Variants in CD3G observed in about 807,000 individuals in gnomAD.
CD3G encodes T-cell surface glycoprotein CD3 gamma chain.
In CD3G, 24 loss-of-function variants were observed where a neutral mutation model predicts 28.3. The ratio of observed to expected loss-of-function variants is 0.85; its 90% CI spans 0.61 to 1.19. The LOEUF (loss-of-function observed/expected upper bound fraction) is 1.19, where lower values mean the gene tolerates loss of function less well. Ranked by LOEUF, CD3G falls within the 50% of genes most tolerant of loss-of-function variation. CD3G has a pLI of 0.00. For missense variants in CD3G, 211 were observed against 210.0 expected (o/e 1.00, Z -0.03); for synonymous variants, 71 against 75.9 (o/e 0.93, Z 0.34).
intron 1 of CD3G, among the ~76,000 whole-genome samples, chr11:118,348,618 A>T (rs1262863614): frequency 3.9e-5 from 6 of 152,140 alleles, no homozygotes; most frequent in Admixed American, 1.3e-4. Context: ...GACTGATCTC[A>T]ATCTCTAGGA....
At chr11:118,350,427 C>A in intron 3 of CD3G, 125 bp from the exon 4 acceptor site, 1 of 787,236 alleles carries the variant, frequency 1.3e-6, no homozygotes, top group Non-Finnish European at 2.3e-6. Context: ...CTTCCCTTGC[C>A]CTGCCACCCA....
At position 118,344,440 on chromosome 11, in the gene CD3G, G is replaced by T; in HGVS notation, c.17G>T (p.Gly6Val). The T allele has an allele frequency of 6.4e-7, 1 of 1,572,136 alleles. No individual in the cohort carries two copies. The highest frequency in any genetic ancestry group is 8.6e-7 in the Non-Finnish European group (1 of 1,158,092). ...GAGACTGACATGGAACAGGGGAAGG[G>T]CCTGGCTGTCCTCATCCTGGCTATC... MEQGK[G>V]LAVLILAIIL... is the part of the protein sequence containing the mutation. Residue 6 changes from glycine to valine, a missense_variant, in exon 1 of 7, where the codon GGC (glycine) becomes GTC (valine). Transcript: ENST00000532917.
intron 1 of CD3G, among the ~76,000 whole-genome samples, chr11:118,344,988 T>C: frequency 6.6e-6 from 1 of 152,222 alleles, no homozygotes; most frequent in East Asian, 1.9e-4. Flanking sequence ...TTAGTTTTCA[T>C]GGTGCCAGAC....
In CD3G at chr11:118,349,981, C is replaced by A; in HGVS notation, c.307+11C>A. 1 of 1,597,838 alleles carries A rather than the reference C, an allele frequency of 6.3e-7. No homozygotes were observed. Among genetic ancestry groups the A allele is most frequent in the East Asian group, 2.2e-5 (1 of 44,764 alleles). On this transcript the variant is annotated intron_variant, in intron 3 of 6. Coordinates refer to ENST00000532917, the MANE Select transcript of CD3G (RefSeq NM_000073.3). Reference sequence around the variant, plus strand: ...AAGTGTATTACAGAAGTATGTAATCCCCTTTGGTCTGTTTGTTGTGAAATT... The same window carrying A: ...AAGTGTATTACAGAAGTATGTAATCACCTTTGGTCTGTTTGTTGTGAAATT...
At chr11:118,350,325 A>G in intron 3 of CD3G, 1 of 598,064 alleles carries the variant, frequency 1.7e-6, no homozygotes. Context: ...CTTCTGTTCC[A>G]GATACTTCCT....
intron 1 of CD3G, among the ~76,000 whole-genome samples, chr11:118,348,821 G>A (rs1029987694): frequency 6.6e-6 from 1 of 152,170 alleles, no homozygotes; most frequent in Non-Finnish European, 1.5e-5. Flanking sequence ...CAGGATACCA[G>A]GACAAAGATG....
intron 3 of CD3G, 94 bp downstream of exon 3, chr11:118,350,064 C>T (rs1948392589): frequency 2.2e-6 from 2 of 906,368 alleles, no homozygotes; most frequent in South Asian, 2.7e-5. Context: ...GAAATAGATC[C>T]TCAACAGTAA....
chr11:118,346,503 C>G (rs908536898), intron 1 of CD3G, among the ~76,000 whole-genome samples: 1 of 151,788 alleles, frequency 6.6e-6, no homozygotes. Flanking sequence ...GGAAACCTCA[C>G]TCAGATATGC....
intron 1 of CD3G, among the ~76,000 whole-genome samples, chr11:118,345,527 T>C (rs1298756707): frequency 6.6e-6 from 1 of 151,934 alleles, no homozygotes; most frequent in East Asian, 1.9e-4. Flanking sequence ...GACATTTGGA[T>C]GAGGAGGGAG....
In CD3G at chr11:118,350,061, A is replaced by G. The variant is rs76479097; in HGVS notation, c.307+91A>G. 1,769 of 930,330 alleles carry G rather than the reference A, an allele frequency of 1.9e-3. 27 individuals are homozygous for G. In the African/African-American group the frequency reaches 0.024, roughly 13 times the overall value. 57.6% of individuals were successfully genotyped at this position (930,330 alleles called of 1,614,324 possible). ...TTATCTGGGGTGAAAGTGGAAATAGATCCTCAACAGTAATATTATCGCCTG... is the reference window on the plus strand; with the variant it reads ...TTATCTGGGGTGAAAGTGGAAATAGGTCCTCAACAGTAATATTATCGCCTG... On this transcript the variant is annotated intron_variant, in intron 3 of 6. Coordinates refer to ENST00000532917, the MANE Select transcript of CD3G (RefSeq NM_000073.3).
Position 118,349,070 on chromosome 11 carries a change from T to C in CD3G, c.79+20T>C, listed in dbSNP as rs913734460. 10 of 1,614,184 alleles carry C rather than the reference T, an allele frequency of 6.2e-6. No homozygotes were observed. Among genetic ancestry groups the C allele is most frequent in the Non-Finnish European group, 8.5e-6 (10 of 1,180,014 alleles). The stretch of plus-strand genomic sequence containing the variant: ...TCAAAGGTAGGAGAAATGGCTTCTT[T>C]CTATACTCAGACTCAGAATATTGAC... On this transcript the variant is annotated intron_variant, in intron 2 of 6. Transcript: ENST00000532917.
intron 5 of CD3G, 24 bp downstream of exon 5, chr11:118,351,695 G>C: frequency 6.2e-7 from 1 of 1,611,044 alleles, no homozygotes; most frequent in Non-Finnish European, 8.5e-7. Flanking sequence ...GAATAAAAGA[G>C]ACATTGCTGT....
chr11:118,351,641 G>A lies in CD3G; in HGVS notation c.453G>A (p.Gln151=), dbSNP rs761276007. 1 of 1,614,034 alleles carries A rather than the reference G, an allele frequency of 6.2e-7. No homozygotes were observed. Among genetic ancestry groups the A allele is most frequent in the East Asian group, 2.2e-5 (1 of 44,880 alleles). The change falls in exon 5 of 7, where the codon CAG becomes CAA. Residue 151 remains glutamine (Q), a synonymous_variant. Coordinates refer to ENST00000532917, the MANE Select transcript of CD3G (RefSeq NM_000073.3). ...GVRQSRASDK[Q]TLLPNDQLYQ... Reference sequence around the variant, plus strand: ...TTTTTTGTGCAGCTTCAGACAAGCAGACTCTGTTGCCCAATGACCAGCTCT... The same window carrying A: ...TTTTTTGTGCAGCTTCAGACAAGCAAACTCTGTTGCCCAATGACCAGCTCT...
chr11:118,352,367 T>C, intron 5 of CD3G, 37 bp from the exon 6 acceptor site: 1 of 1,537,570 alleles, frequency 6.5e-7, no homozygotes, highest in Non-Finnish European at 9.0e-7. Context: ...TAATAGAGGA[T>C]GGAAAAAATG....
At chr11:118,350,889 G>GGA (rs1555121622) in intron 4 of CD3G, 21 of 632,486 alleles carry the variant, frequency 3.3e-5, no homozygotes, top group African/African-American at 1.6e-4. Flanking sequence ...CTCCCTCTGT[G>GGA]AAAAAAAAAA....
At chr11:118,351,173 C>A (rs1948406856) in intron 4 of CD3G, among the ~76,000 whole-genome samples, 1 of 109,280 alleles carries the variant, frequency 9.2e-6, no homozygotes, top group Non-Finnish European at 1.7e-5. Flanking sequence ...GGCGACAGAG[C>A]AAGACTCCGT....
rs538018516 is a variant in CD3G at position 118,344,420 on chromosome 11, T to C, written c.-4T>C. 1.3e-5 allele frequency: 21 copies of C among 1,567,722 alleles called. No homozygotes were observed. Among genetic ancestry groups the C allele is most frequent in the Non-Finnish European group, 1.7e-5 (20 of 1,155,654 alleles). On this transcript the variant is annotated 5_prime_UTR_variant, in exon 1 of 7. Coordinates refer to ENST00000532917, the MANE Select transcript of CD3G (RefSeq NM_000073.3). ...CACGCTTTTGCCGGAGGACAGAGACTGACATGGAACAGGGGAAGGGCCTGG... is the reference window on the plus strand; with the variant it reads ...CACGCTTTTGCCGGAGGACAGAGACCGACATGGAACAGGGGAAGGGCCTGG...
chr11:118,349,644 A>G, intron 2 of CD3G, 99 bp from the exon 3 acceptor site: 1 of 938,170 alleles, frequency 1.1e-6, no homozygotes, highest in Non-Finnish European at 1.7e-6. Context: ...TGCACATCAA[A>G]GTTTGAGAAA....
intron 1 of CD3G, among the ~76,000 whole-genome samples, chr11:118,346,472 A>G (rs1418749344): frequency 6.6e-6 from 1 of 151,926 alleles, no homozygotes. Flanking sequence ...ATGTGGCTAT[A>G]TGAACTCTTA....
Sources: gnomAD v4.1 joint callset for allele counts (sites outside exome capture counted in the v4.1 genomes callset) on GRCh38, gnomAD v4.1.1 for gene constraint, MANE v1.5 for transcripts, NCBI Gene and HGNC (gene_info 2026-07-23, HGNC 2026-07-21) for gene names.